The following NAV1 variants were observed in gnomAD, a reference collection of about 807,000 sequenced individuals.
The protein encoded by NAV1 is neuron navigator 1.
In NAV1, 18 loss-of-function variants were observed where a neutral mutation model predicts 175.2. The ratio of observed to expected loss-of-function variants is 0.10; its 90% CI spans 0.07 to 0.15. NAV1 has a LOEUF of 0.15. Ranked by LOEUF, NAV1 falls within the 10% of genes least tolerant of loss-of-function variation. The probability of loss-of-function intolerance (pLI) is 1.00; values close to 1 mark genes in which losing one functional copy is unlikely to be tolerated. For missense variants in NAV1, 1,731 were observed against 2,436.6 expected (o/e 0.71, Z 6.10); for synonymous variants, 897 against 978.7 (o/e 0.92, Z 1.56).
rs1413029401 is a variant in NAV1, at chr1:201,788,972, CCA to C, written c.3166+337_3166+338del. On this transcript the variant is annotated intron_variant, in intron 10 of 29. Coordinates refer to ENST00000367296, the Ensembl canonical transcript of NAV1. This position sits in a 1 kb window ranked among gnomAD's most constrained non-coding sequence, Gnocchi z 5.7. Reference sequence around the variant, plus strand: ...TCATTCTAGCCATAGTCTTTCCTCCCCACAGTCTCTCAAATATATGAAAAGAA... The same window carrying C: ...TCATTCTAGCCATAGTCTTTCCTCCCCAGTCTCTCAAATATATGAAAAGAA... Among the ~76,000 whole-genome samples, 3 of 152,158 alleles carry C rather than the reference CCA, an allele frequency of 2.0e-5. No homozygotes were observed. Among genetic ancestry groups the C allele is most frequent in the Non-Finnish European group, 1.5e-5 (1 of 68,026 alleles).
chr1:201,566,258 G>A (rs1055108229), intron 1 of NAV1, among the ~76,000 whole-genome samples: 8 of 152,042 alleles, frequency 5.3e-5, no homozygotes, highest in Non-Finnish European at 1.2e-4. Context: ...ATGAAATGCC[G>A]GCAGCTCCAG....
At chr1:201,662,680 A>G (rs1571870208) in intron 1 of NAV1, among the ~76,000 whole-genome samples, 1 of 152,210 alleles carries the variant, frequency 6.6e-6, no homozygotes, top group Non-Finnish European at 1.5e-5. Context: ...GGCACACCAT[A>G]GATGACCAGT....
At chr1:201,761,146 C>T (rs892193941) in intron 3 of NAV1, among the ~76,000 whole-genome samples, 2 of 152,100 alleles carry the variant, frequency 1.3e-5, no homozygotes, top group Admixed American at 6.6e-5. Flanking sequence ...ATGACCTCCT[C>T]AGCTTTTGTA....
At chr1:201,629,442 G>C in exon 2 of NAV1, 3 of 1,304,198 alleles carry the variant, frequency 2.3e-6, no homozygotes, top group Non-Finnish European at 3.0e-6. Context: ...CTCTCCCAGG[G>C]CAGCTGGCCC....
At chr1:201,763,537 A>G (rs563760362) in intron 3 of NAV1, among the ~76,000 whole-genome samples, 3 of 152,314 alleles carry the variant, frequency 2.0e-5, no homozygotes, top group African/African-American at 7.2e-5. Flanking sequence ...GGGCAGACAA[A>G]AAGGGAAATC....
intron 1 of NAV1, among the ~76,000 whole-genome samples, chr1:201,555,600 G>A (rs1665987607): frequency 6.6e-6 from 1 of 151,892 alleles, no homozygotes; most frequent in Non-Finnish European, 1.5e-5. Context: ...CCTGGTGGCC[G>A]GGACCCTGGA....
intron 2 of NAV1, among the ~76,000 whole-genome samples, chr1:201,608,682 G>C (rs906109078): frequency 5.3e-5 from 8 of 151,696 alleles, no homozygotes; most frequent in Non-Finnish European, 1.2e-4. Flanking sequence ...CTACGCCCTG[G>C]AGCCTCACAG....
At position 201,564,874 on chromosome 1, in the gene NAV1, T is replaced by C. The variant is rs147078737; in HGVS notation, c.-143-23665T>C. On this transcript the variant is annotated intron_variant, in intron 1 of 33. Transcript: ENST00000685211. ...CTTTGGTGTGTGGCCCCTTTTTCCA[T>C]CTTCAAAGTCAGCAACAGCAGGTCA... Among the ~76,000 whole-genome samples the C allele has an allele frequency of 2.4e-3, 368 of 152,334 alleles. 2 individuals are homozygous for C. Among genetic ancestry groups the C allele is most frequent in the African/African-American group, 8.3e-3 (346 of 41,570 alleles).
At chr1:201,688,920 G>C (rs111928711) in intron 1 of NAV1, among the ~76,000 whole-genome samples, 1 of 152,198 alleles carries the variant, frequency 6.6e-6, no homozygotes, top group Non-Finnish European at 1.5e-5. Flanking sequence ...GTTACTAGAC[G>C]TGTTGCCTGC....
intron 1 of NAV1, among the ~76,000 whole-genome samples, chr1:201,712,436 G>A (rs1323022545): frequency 6.6e-6 from 1 of 152,182 alleles, no homozygotes; most frequent in Non-Finnish European, 1.5e-5. Context: ...CCCTGGATAG[G>A]GGGTTTCAGG....
intron 2 of NAV1, among the ~76,000 whole-genome samples, chr1:201,716,587 G>C (rs988247784): frequency 2.6e-5 from 4 of 152,184 alleles, no homozygotes; most frequent in East Asian, 3.9e-4. Flanking sequence ...GTTCCTAAAG[G>C]GCTGCCAGAA....
intron 6 of NAV1, among the ~76,000 whole-genome samples, 194 bp from the exon 11 acceptor site, chr1:201,783,212 C>G (rs1015704364): frequency 6.6e-6 from 1 of 152,142 alleles, no homozygotes; most frequent in African/African-American, 2.4e-5. Context: ...ATATGCTGGC[C>G]CCTTATCTAA....
At chr1:201,545,989 A>T (rs1245396234) in intron 1 of NAV1, among the ~76,000 whole-genome samples, 1 of 152,212 alleles carries the variant, frequency 6.6e-6, no homozygotes, top group Non-Finnish European at 1.5e-5. Flanking sequence ...TGGTGCAGAT[A>T]ATTGAGTTGA....
At chr1:201,642,012 T>C (rs1425505696) in intron 2 of NAV1, among the ~76,000 whole-genome samples, 1 of 149,618 alleles carries the variant, frequency 6.7e-6, no homozygotes, top group African/African-American at 2.5e-5. Context: ...CCCTTCCTTC[T>C]CTCTTTCTTT....
intron 15 of NAV1, among the ~76,000 whole-genome samples, chr1:201,801,753 AAG>A (rs1321749676): frequency 6.6e-6 from 1 of 152,214 alleles, no homozygotes; most frequent in Admixed American, 6.5e-5. Flanking sequence ...TTAAAATAAA[AAG>A]GATTTTAAAA....
chr1:201,567,780 A>G (rs1053001678), intron 1 of NAV1, among the ~76,000 whole-genome samples: 17 of 152,290 alleles, frequency 1.1e-4, no homozygotes, highest in African/African-American at 4.1e-4. Context: ...CTCCCAAGCC[A>G]TAGGTACCTG....
intron 1 of NAV1, among the ~76,000 whole-genome samples, chr1:201,665,600 C>T (rs1282271252): frequency 3.1e-5 from 3 of 95,422 alleles, no homozygotes; most frequent in Admixed American, 1.2e-4. Flanking sequence ...ACCCCCCCCA[C>T]TGCCCACCAC....
At chr1:201,556,785 C>A (rs140982910) in intron 1 of NAV1, among the ~76,000 whole-genome samples, 1 of 152,254 alleles carries the variant, frequency 6.6e-6, no homozygotes, top group Non-Finnish European at 1.5e-5. Flanking sequence ...ATGCCCCTCT[C>A]CTCACCAGCA....
chr1:201,550,199 T>C (rs1571815752), intron 1 of NAV1, among the ~76,000 whole-genome samples: 1 of 151,736 alleles, frequency 6.6e-6, no homozygotes, highest in Non-Finnish European at 1.5e-5. Flanking sequence ...AGAGACGGGG[T>C]CTTAACCTGT....
Sources: allele counts gnomAD v4.1 joint callset (sites outside exome capture counted in the v4.1 genomes callset), GRCh38; gene constraint gnomAD v4.1.1; non-coding constraint Gnocchi (gnomAD v3.1); transcripts MANE v1.5; gene names NCBI Gene and HGNC (gene_info 2026-07-23, HGNC 2026-07-21).